SGCD: variants seen among roughly 807,000 people sequenced by gnomAD.
The protein encoded by SGCD is delta-sarcoglycan.
SGCD carries 18 observed loss-of-function variants against 36.6 expected under a neutral mutation model. The observed-to-expected ratio is 0.49, with a 90% confidence interval of 0.34 to 0.73. The LOEUF is 0.73. Ranked by LOEUF, SGCD falls within the 30% of genes least tolerant of loss-of-function variation. SGCD has a pLI of 0.01. For synonymous variants in SGCD, 133 were observed against 130.6 expected (o/e 1.02, Z -0.12); for missense variants, 387 against 346.7 (o/e 1.12, Z -0.92).
intron 3 of SGCD, among the ~76,000 whole-genome samples, chr5:156,492,728 G>C (rs1002536313): frequency 5.3e-5 from 8 of 151,960 alleles, no homozygotes; most frequent in African/African-American, 1.9e-4. Flanking sequence ...CCCACCACCC[G>C]ATAGGCCCTG....
rs116011165 is a variant in SGCD at position 156,033,785 on chromosome 5, A to T, written c.-281-84093A>T. Among the ~76,000 whole-genome samples the T allele has an allele frequency of 9.0e-3, 1,373 of 152,340 alleles. 7 individuals carry two copies. Among genetic ancestry groups the T allele is most frequent in the Non-Finnish European group, 0.015 (1,049 of 68,040 alleles). ...GTCCTTTTCTGTGTGCAGGGAATAC[A>T]GCAGTGACCAAAATAGACCAAAGAC... On this transcript the variant is annotated intron_variant, in intron 1 of 9. Transcript: ENST00000517913.
At chr5:156,135,352 C>T (rs905845416) in intron 3 of SGCD, among the ~76,000 whole-genome samples, 2 of 152,052 alleles carry the variant, frequency 1.3e-5, no homozygotes, top group Admixed American at 6.6e-5. Context: ...CATCATTGTG[C>T]TCTTCTGCCT....
chr5:156,505,095 T>C (rs1158651224), intron 3 of SGCD, among the ~76,000 whole-genome samples: 1 of 152,206 alleles, frequency 6.6e-6, no homozygotes, highest in Non-Finnish European at 1.5e-5. Context: ...AAATGATCAC[T>C]AATAATGCAA....
At chr5:155,848,681 A>G in the SGCD span, among the ~76,000 whole-genome samples, 1 of 152,118 alleles carries the variant, frequency 6.6e-6, no homozygotes, top group Non-Finnish European at 1.5e-5. Context: ...TATAAAAGCT[A>G]TTGTTATATA....
chr5:156,471,867 A>G (rs964901118), intron 3 of SGCD, among the ~76,000 whole-genome samples: 2 of 152,120 alleles, frequency 1.3e-5, no homozygotes, highest in Admixed American at 6.5e-5. Flanking sequence ...GAGAAAAAAT[A>G]TACATACACA....
At chr5:156,624,056 A>T (rs80257677) in intron 6 of SGCD, among the ~76,000 whole-genome samples, 2,666 of 152,298 alleles carry the variant, frequency 0.018, 32 homozygotes, top group Non-Finnish European at 0.029. Context: ...CTCTCCCATC[A>T]TTGGGAACTT....
intron 1 of SGCD, among the ~76,000 whole-genome samples, chr5:155,895,971 G>A (rs989344221): frequency 2.0e-5 from 3 of 152,258 alleles, no homozygotes; most frequent in South Asian, 2.1e-4. Context: ...GGCCTTTGCC[G>A]TAAGCACATT....
chr5:155,747,782 C>G, the SGCD span, among the ~76,000 whole-genome samples: 6 of 152,164 alleles, frequency 3.9e-5, no homozygotes, highest in African/African-American at 1.2e-4. Context: ...CTCCTCCCCC[C>G]TTATCTGTCT....
At chr5:156,135,076 A>C (rs751331584) in intron 3 of SGCD, among the ~76,000 whole-genome samples, 18 of 152,142 alleles carry the variant, frequency 1.2e-4, no homozygotes, top group Non-Finnish European at 2.2e-4. Context: ...CTAGTTCCCA[A>C]CTCTGCATAG....
intron 1 of SGCD, among the ~76,000 whole-genome samples, chr5:156,103,132 T>C (rs1761560480): frequency 6.6e-6 from 1 of 152,200 alleles, no homozygotes; most frequent in South Asian, 2.1e-4. Flanking sequence ...AAATTTTAGC[T>C]ACTGCTAGTT....
Position 155,961,884 on chromosome 5 carries a change from A to C in SGCD, c.-282+91460A>C, listed in dbSNP as rs115543375. On this transcript the variant is annotated intron_variant, in intron 1 of 9. Coordinates refer to the SGCD transcript ENST00000517913. Reference sequence around the variant, plus strand: ...GTATGGAAAAAAGCTTTCTGCGTAGATATTTGGTAAGTACATATGATGAAA... The same window carrying C: ...GTATGGAAAAAAGCTTTCTGCGTAGCTATTTGGTAAGTACATATGATGAAA... Among the ~76,000 whole-genome samples the C allele has an allele frequency of 6.1e-3, 931 of 152,232 alleles. 7 individuals carry two copies. Among genetic ancestry groups the C allele is most frequent in the African/African-American group, 0.021 (888 of 41,556 alleles).
chr5:156,598,232 C>T (rs776097812), intron 6 of SGCD, among the ~76,000 whole-genome samples: 70 of 152,222 alleles, frequency 4.6e-4, no homozygotes, highest in African/African-American at 1.4e-3. Flanking sequence ...CCAGAGACTT[C>T]GAGCTATCCT....
At chr5:156,108,454 A>G (rs1761703398) in intron 1 of SGCD, among the ~76,000 whole-genome samples, 1 of 152,146 alleles carries the variant, frequency 6.6e-6, no homozygotes, top group South Asian at 2.1e-4. Flanking sequence ...AAAACCAAGT[A>G]GAGATTGTTA....
intron 1 of SGCD, among the ~76,000 whole-genome samples, chr5:156,076,927 C>T (rs1760801647): frequency 6.6e-6 from 1 of 152,164 alleles, no homozygotes; most frequent in Non-Finnish European, 1.5e-5. Context: ...CTTTGTTGTT[C>T]ACCATGGCCT....
At chr5:156,211,524 C>T (rs182035704) in intron 3 of SGCD, among the ~76,000 whole-genome samples, 101 of 150,724 alleles carry the variant, frequency 6.7e-4, no homozygotes, top group Admixed American at 1.7e-3. Context: ...AGGGGAATGG[C>T]GTGAACCTGG....
At chr5:155,777,360 GT>G in the SGCD span, among the ~76,000 whole-genome samples, 94,425 of 139,868 alleles carry the variant, frequency 0.68, 31,341 homozygotes, top group East Asian at 0.87. Flanking sequence ...TAGTTTTTTT[GT>G]TTTTTTTTTT....
intron 3 of SGCD, among the ~76,000 whole-genome samples, chr5:156,389,587 T>C (rs1771455091): frequency 6.6e-6 from 1 of 152,050 alleles, no homozygotes; most frequent in Non-Finnish European, 1.5e-5. Context: ...GGGGTGGTGC[T>C]AGAGGGTTTC....
At chr5:156,695,508 GATGGATA>G (rs1754278440) in intron 7 of SGCD, among the ~76,000 whole-genome samples, 12 of 138,430 alleles carry the variant, frequency 8.7e-5, no homozygotes, top group Admixed American at 6.5e-4. Context: ...TAGATAGATA[GATGGATA>G]GATAGATAGA....
rs1201826314 is a variant in SGCD, at chr5:156,054,252, C to A, written c.-281-63626C>A. On this transcript the variant is annotated intron_variant, in intron 1 of 9. Coordinates refer to the SGCD transcript ENST00000517913. Reference sequence around the variant, plus strand: ...CACCAAACATCTGGATGTTTGGATTCCAGTTAAACCAATTAAACATGAACT... The same window carrying A: ...CACCAAACATCTGGATGTTTGGATTACAGTTAAACCAATTAAACATGAACT... Among the ~76,000 whole-genome samples, 5 of 142,052 alleles carry A rather than the reference C, an allele frequency of 3.5e-5. No individual in the cohort carries two copies. In the East Asian group the frequency reaches 9.8e-4, roughly 28 times the overall value. 93.2% of individuals were successfully genotyped at this position (142,052 alleles called of 152,430 possible).
Sources: allele counts gnomAD v4.1 joint callset (sites outside exome capture counted in the v4.1 genomes callset), GRCh38; gene constraint gnomAD v4.1.1; transcripts MANE v1.5; gene names NCBI Gene and HGNC (gene_info 2026-07-23, HGNC 2026-07-21).